ERN1: variants seen among roughly 807,000 people sequenced by gnomAD.
ERN1 encodes the protein serine/threonine-protein kinase/endoribonuclease IRE1.
ERN1 carries 39 observed loss-of-function variants against 113.1 expected under a neutral mutation model. The observed-to-expected ratio is 0.34, with a 90% CI of 0.27 to 0.45. ERN1 has a LOEUF of 0.45. ERN1 is among the 20% of genes least tolerant of loss of function. The probability of loss-of-function intolerance (pLI) is 1.00; values close to 1 mark genes in which losing one functional copy is unlikely to be tolerated. For missense variants in ERN1, 976 were observed against 1,274.8 expected, an observed-to-expected ratio of 0.77 and a Z score of 3.57; for synonymous variants, 507 against 515.9, an observed-to-expected ratio of 0.98 and a Z score of 0.23.
At chr17:64,075,925 G>C (rs1238149854) in intron 4 of ERN1, among the ~76,000 whole-genome samples, 1 of 152,176 alleles carries the variant, frequency 6.6e-6, no homozygotes, top group African/African-American at 2.4e-5. Flanking sequence ...CTCAAGCTTC[G>C]AGGGAAAGGA....
At chr17:64,068,363 T>A in intron 6 of ERN1, 72 bp from the exon 7 acceptor site, 1 of 1,090,590 alleles carries the variant, frequency 9.2e-7, no homozygotes, top group Non-Finnish European at 1.4e-6. Context: ...GGTCCTTATC[T>A]AATTATAACA....
rs201032188 is a variant in ERN1 at position 64,044,134 on chromosome 17, C to T, written c.2788G>A (p.Val930Met). ...GGGAAGCGAGATGTGAAGTAGCACACGAAGTCGTCGGGGAGGGACCCCAGC... is the reference window on the plus strand; with the variant it reads ...GGGAAGCGAGATGTGAAGTAGCACATGAAGTCGTCGGGGAGGGACCCCAGC... ...ETLGSLPDDF[V>M]CYFTSRFPHL... Residue 930 changes from valine (V) to methionine (M), a missense_variant, in exon 22 of 22, where the codon GTG becomes ATG. Val to Met is a conservative substitution (Grantham distance 21). Coordinates refer to ENST00000433197, the MANE Select transcript of ERN1 (RefSeq NM_001433.5). This position sits in a 1 kb window ranked among gnomAD's most constrained non-coding sequence, Gnocchi z 4.1. 170 of 1,607,396 alleles carry T rather than the reference C, an allele frequency of 1.1e-4. No homozygotes were observed. Among genetic ancestry groups the T allele is most frequent in the African/African-American group, 3.5e-4 (26 of 74,756 alleles).
In ERN1 at chr17:64,119,376, G is replaced by GTT. The variant is rs3044073; in HGVS notation, c.54+10598_54+10599dup. Among the ~76,000 whole-genome samples the GTT allele has an allele frequency of 9.8e-3, 765 of 77,868 alleles. 61 individuals are homozygous for GTT. The highest frequency in any genetic ancestry group is 0.014 in the Non-Finnish European group (543 of 39,888). 51.1% of individuals were successfully genotyped at this position (77,868 alleles called of 152,430 possible). A position where few individuals can be genotyped will look rare whatever the true frequency, so the allele number is the denominator to read the frequency against. ...TAATATTAGGTTCCTTTTTTTCTAG[G>GTT]TTTTTTTTTTTTTTTTTTTTTTTTT... On this transcript the variant is annotated intron_variant, in intron 1 of 21. Transcript: ENST00000433197.
intron 1 of ERN1, among the ~76,000 whole-genome samples, chr17:64,099,657 G>A (rs1914330039): frequency 6.6e-6 from 1 of 152,074 alleles, no homozygotes; most frequent in Admixed American, 6.5e-5. Flanking sequence ...GTGCATGGGA[G>A]CCTGATCCCA....
intron 1 of ERN1, among the ~76,000 whole-genome samples, chr17:64,111,044 G>A (rs1914658425): frequency 6.6e-6 from 1 of 152,184 alleles, no homozygotes; most frequent in African/African-American, 2.4e-5. Context: ...GCTCAAAGAG[G>A]AGGCCTTTCC....
At chr17:64,085,123 G>T (rs765237434) in intron 2 of ERN1, among the ~76,000 whole-genome samples, 1 of 152,182 alleles carries the variant, frequency 6.6e-6, no homozygotes, top group African/African-American at 2.4e-5. Context: ...CTGACACACA[G>T]GTGGTAACCA....
rs1444315043 is a variant in ERN1, at chr17:64,041,764, A to G, written c.*2224T>C. 6.6e-6 allele frequency: 1 copy of G among 152,232 alleles called. No homozygotes were observed. Among genetic ancestry groups the G allele is most frequent in the East Asian group, 1.9e-4 (1 of 5,204 alleles). 9.4% of individuals were successfully genotyped at this position (152,232 alleles called of 1,614,324 possible). A position where few individuals can be genotyped will look rare whatever the true frequency, so the allele number is the denominator to read the frequency against. On this transcript the variant is annotated 3_prime_UTR_variant, in exon 22 of 22. Transcript: ENST00000433197. ...TCATCACAAGTTTTAGGAAAGCAGA[A>G]GTTTTGCCTGTCTTGTTCATCGCTG...
chr17:64,064,686 A>G (rs1416950444), intron 9 of ERN1, among the ~76,000 whole-genome samples: 1 of 152,244 alleles, frequency 6.6e-6, no homozygotes, highest in African/African-American at 2.4e-5. Context: ...TTTCAGAGAC[A>G]GAATGCTTGA....
chr17:64,055,800 G>A lies in ERN1; in HGVS notation c.1547C>T (p.Pro516Leu), dbSNP rs199820588. Residue 516 changes from proline to leucine, a missense_variant, in exon 13 of 22, where the codon CCG (proline) becomes CTG (leucine). Transcript: ENST00000433197. Reference sequence around the variant, plus strand: ...GCTGGTGCCCGAGCTCTCTGAGTACGGGCCAGACGTGTCCAGGAGCTCGCC... The same window carrying A: ...GCTGGTGCCCGAGCTCTCTGAGTACAGGCCAGACGTGTCCAGGAGCTCGCC... Reference protein sequence around the residue: ...QDGELLDTSGPYSESSGTSSP... With the variant: ...QDGELLDTSGLYSESSGTSSP... 185 of 1,586,990 alleles carry A rather than the reference G, an allele frequency of 1.2e-4. No individual in the cohort carries two copies. In the East Asian group the frequency reaches 1.2e-3, roughly 10 times the overall value.
At chr17:64,059,080 G>T (rs1406988482) in intron 11 of ERN1, among the ~76,000 whole-genome samples, 3 of 152,158 alleles carry the variant, frequency 2.0e-5, no homozygotes, top group Non-Finnish European at 4.4e-5. Context: ...GTTAAATTAA[G>T]GGCACTGTCT....
Position 64,098,092 on chromosome 17 carries a change from A to G in ERN1, c.175+29T>C, listed in dbSNP as rs561542741. The G allele has an allele frequency of 2.3e-5, 37 of 1,612,884 alleles. No homozygotes were observed. The African/African-American group carries it at 2.9e-4, about 13-fold the overall frequency. ...TGTGGAACCAGTTAAGCAAATGTCCATGTCGCCCAAGGACCAAATCCAAAT... is the reference window on the plus strand; with the variant it reads ...TGTGGAACCAGTTAAGCAAATGTCCGTGTCGCCCAAGGACCAAATCCAAAT... On this transcript the variant is annotated intron_variant, in intron 2 of 21. Transcript: ENST00000433197.
intron 1 of ERN1, among the ~76,000 whole-genome samples, chr17:64,110,622 C>G (rs1914646411): frequency 6.6e-6 from 1 of 152,186 alleles, no homozygotes; most frequent in African/African-American, 2.4e-5. Flanking sequence ...TTTTAATGAC[C>G]AAGCATAAAC....
rs1226510902 is a variant in ERN1 at position 64,053,255 on chromosome 17, A to G, written c.2053+17T>C. On this transcript the variant is annotated intron_variant, in intron 16 of 21. Coordinates refer to ENST00000433197, the MANE Select transcript of ERN1 (RefSeq NM_001433.5). ...TCCCCACCCGGGCCGCTGGCCTGGT[A>G]AAGTGCAGCCTCTCACCGATGTTGA... is the stretch of plus-strand genomic sequence containing the variant. 4 of 1,578,718 alleles carry G rather than the reference A, an allele frequency of 2.5e-6. No homozygotes were observed. The highest frequency in any genetic ancestry group is 2.3e-5 in the South Asian group (2 of 87,554).
chr17:64,090,014 AATTAGGGAG>A (rs1485381371), intron 2 of ERN1, among the ~76,000 whole-genome samples: 1 of 152,198 alleles, frequency 6.6e-6, no homozygotes, highest in Non-Finnish European at 1.5e-5. Flanking sequence ...CGAGTGGCCC[AATTAGGGAG>A]TACTTCTCCC....
intron 1 of ERN1, among the ~76,000 whole-genome samples, chr17:64,106,502 T>TA (rs1914530766): frequency 2.0e-5 from 3 of 152,082 alleles, no homozygotes; most frequent in Non-Finnish European, 4.4e-5. Flanking sequence ...AAAAGCAAGA[T>TA]AAGGCTGATC....
intron 1 of ERN1, among the ~76,000 whole-genome samples, chr17:64,119,422 CTT>C (rs547054862): frequency 1.8e-3 from 141 of 77,336 alleles, no homozygotes; most frequent in Admixed American, 2.8e-3. Flanking sequence ...GAGTTTCACT[CTT>C]GTTCCCCAGG....
At chr17:64,124,561 C>T (rs1038774060) in intron 1 of ERN1, among the ~76,000 whole-genome samples, 1 of 152,192 alleles carries the variant, frequency 6.6e-6, no homozygotes, top group African/African-American at 2.4e-5. Context: ...CCTGCACAAG[C>T]TCTCTCTTTC....
Position 64,054,508 on chromosome 17 carries a change from T to C in ERN1, c.1764-69A>G. 4.2e-6 allele frequency: 6 copies of C among 1,428,290 alleles called. No homozygotes were observed. In the Admixed American group the frequency reaches 6.1e-5, roughly 15 times the overall value. The allele number at this position is 1,428,290 out of a possible 1,614,324, so 88.5% of individuals were successfully genotyped here. A position where few individuals can be genotyped will look rare whatever the true frequency, so the allele number is the denominator to read the frequency against. ...AGGCTGTGTAAATGAGGTGAGAACC[T>C]GGGTCCACAGCATTCACCTACTGCC... On this transcript the variant is annotated intron_variant, in intron 14 of 21. Coordinates refer to ENST00000433197, the MANE Select transcript of ERN1 (RefSeq NM_001433.5). This position sits in a 1 kb window ranked among gnomAD's most constrained non-coding sequence, Gnocchi z 4.9.
chr17:64,044,788 A>C lies in ERN1; in HGVS notation c.2721+72T>G. 1.0e-6 allele frequency: 1 copy of C among 1,000,426 alleles called. No homozygotes were observed. The highest frequency in any genetic ancestry group is 1.5e-6 in the Non-Finnish European group (1 of 645,526). 62.0% of individuals were successfully genotyped at this position (1,000,426 alleles called of 1,614,324 possible). On this transcript the variant is annotated intron_variant, in intron 21 of 21. Transcript: ENST00000433197. The surrounding 1 kb of genome is among the most constrained non-coding windows in gnomAD (Gnocchi z 4.1). ...CAGTACAGATAAAAGATTTATAAAG[A>C]ATGGATGAAAGGAGGAAGGTGTCCA...
Sources: gnomAD v4.1 joint callset for allele counts (sites outside exome capture counted in the v4.1 genomes callset) on GRCh38, gnomAD v4.1.1 for gene constraint, Gnocchi (gnomAD v3.1) non-coding constraint, MANE v1.5 for transcripts, NCBI Gene and HGNC (gene_info 2026-07-23, HGNC 2026-07-21) for gene names.